LINGO2: variants seen among roughly 807,000 people sequenced by gnomAD.
LINGO2 encodes the protein leucine rich repeat and Ig domain containing 2, also known as leucine-rich repeat and immunoglobulin-like domain-containing nogo receptor-interacting protein 2.
A neutral mutation model predicts 30.6 loss-of-function variants in LINGO2; 14 were observed. That is an observed-to-expected ratio of 0.46 (90% CI 0.30 to 0.72). The LOEUF (loss-of-function observed/expected upper bound fraction) is 0.72. Ranked by LOEUF, LINGO2 falls within the 30% of genes least tolerant of loss-of-function variation. The pLI, the probability that LINGO2 is intolerant of heterozygous loss-of-function variation, is 0.07. For synonymous variants in LINGO2, 317 were observed against 288.5 expected (o/e 1.10, Z -1.00); for missense variants, 729 against 751.7 (o/e 0.97, Z 0.35).
At chr9:28,654,285 T>C (rs1828239993) in intron 1 of LINGO2, among the ~76,000 whole-genome samples, 1 of 152,126 alleles carries the variant, frequency 6.6e-6, no homozygotes, top group Admixed American at 6.6e-5. Flanking sequence ...AAAGCCCTTT[T>C]ATGTACTAAG....
intron 4 of LINGO2, among the ~76,000 whole-genome samples, chr9:28,282,958 G>A (rs1823380803): frequency 6.6e-6 from 1 of 152,150 alleles, no homozygotes; most frequent in African/African-American, 2.4e-5. Flanking sequence ...CCTGTGGCAG[G>A]TAAACCTAAA....
At chr9:28,518,207 A>G (rs1820700272) in intron 1 of LINGO2, among the ~76,000 whole-genome samples, 1 of 152,212 alleles carries the variant, frequency 6.6e-6, no homozygotes, top group Admixed American at 6.5e-5. Flanking sequence ...TAAGAGATGA[A>G]GTGAATTAAT....
At chr9:28,573,165 C>G (rs1823788446) in intron 1 of LINGO2, among the ~76,000 whole-genome samples, 1 of 152,102 alleles carries the variant, frequency 6.6e-6, no homozygotes, top group African/African-American at 2.4e-5. Context: ...TGAAGGCAAT[C>G]TTGAATTTGA....
At chr9:28,448,062 A>G (rs1824498645) in intron 2 of LINGO2, among the ~76,000 whole-genome samples, 2 of 152,088 alleles carry the variant, frequency 1.3e-5, no homozygotes, top group African/African-American at 4.8e-5. Context: ...GGATCATACT[A>G]CCTAGAGCTG....
intron 2 of LINGO2, among the ~76,000 whole-genome samples, chr9:28,403,697 C>A (rs150627073): frequency 6.6e-6 from 1 of 150,906 alleles, no homozygotes; most frequent in Admixed American, 6.6e-5. Flanking sequence ...TTTTCCTGGA[C>A]GCCCAGAATA....
the LINGO2 span, among the ~76,000 whole-genome samples, chr9:29,093,577 T>A: frequency 7.3e-6 from 1 of 136,184 alleles, no homozygotes; most frequent in African/African-American, 2.7e-5. Context: ...TTTCCCCACA[T>A]TATATATAAG....
intron 4 of LINGO2, among the ~76,000 whole-genome samples, chr9:28,284,212 G>T (rs1279078044): frequency 6.6e-6 from 1 of 152,160 alleles, no homozygotes; most frequent in Non-Finnish European, 1.5e-5. Flanking sequence ...GAGAGAAGAT[G>T]AGCAGCTTTC....
At chr9:28,807,439 T>G in the LINGO2 span, among the ~76,000 whole-genome samples, 8 of 152,172 alleles carry the variant, frequency 5.3e-5, no homozygotes, top group African/African-American at 1.9e-4. Context: ...TCATTTTCCC[T>G]TTACTTTCAA....
At chr9:28,691,774 A>T in the LINGO2 span, among the ~76,000 whole-genome samples, 3 of 152,202 alleles carry the variant, frequency 2.0e-5, no homozygotes, top group African/African-American at 7.2e-5. Context: ...AAGCTTGTGT[A>T]CTAATAGGAA....
chr9:28,327,986 C>G (rs1196190920), intron 3 of LINGO2, among the ~76,000 whole-genome samples: 2 of 152,128 alleles, frequency 1.3e-5, no homozygotes, highest in Non-Finnish European at 2.9e-5. Flanking sequence ...CTCTCAGCAG[C>G]CAGGGGCCCA....
chr9:28,467,770 C>A (rs1825372898), intron 2 of LINGO2, among the ~76,000 whole-genome samples: 1 of 151,930 alleles, frequency 6.6e-6, no homozygotes, highest in Non-Finnish European at 1.5e-5. Context: ...AAATAAAAGT[C>A]ACATGAAAAA....
chr9:29,127,743 T>C, the LINGO2 span, among the ~76,000 whole-genome samples: 2 of 152,120 alleles, frequency 1.3e-5, no homozygotes, highest in Non-Finnish European at 2.9e-5. Context: ...ACAACTGCCC[T>C]GCATGGAAAG....
chr9:28,187,152 T>C (rs1819569868), intron 4 of LINGO2, among the ~76,000 whole-genome samples: 1 of 152,114 alleles, frequency 6.6e-6, no homozygotes, highest in Non-Finnish European at 1.5e-5. Context: ...TGTGGGTATA[T>C]TTTAAAGATA....
At chr9:29,025,382 GTATTTGTTTATCAAACAAAATAATACA>G in the LINGO2 span, among the ~76,000 whole-genome samples, 2 of 151,842 alleles carry the variant, frequency 1.3e-5, no homozygotes, top group Non-Finnish European at 2.9e-5. Context: ...TGTTTATAAT[GTATTTGTTTATCAAACAAAATAATACA>G]TACAAAAAGT....
chr9:28,871,543 A>C, the LINGO2 span, among the ~76,000 whole-genome samples: 1 of 151,800 alleles, frequency 6.6e-6, no homozygotes, highest in African/African-American at 2.4e-5. Context: ...AAAATAAGAA[A>C]ATGAACTATA....
the LINGO2 span, among the ~76,000 whole-genome samples, chr9:28,903,290 T>C: frequency 3.3e-5 from 5 of 152,138 alleles, no homozygotes; most frequent in Admixed American, 3.3e-4. Flanking sequence ...AATAAATTTC[T>C]AGACATAAAT....
At chr9:29,093,023 G>A in the LINGO2 span, among the ~76,000 whole-genome samples, 1 of 48,344 alleles carries the variant, frequency 2.1e-5, no homozygotes, top group African/African-American at 7.8e-5. Context: ...ATATGATAAT[G>A]TGTGTGTATA....
Position 28,408,825 on chromosome 9 carries a change from T to C in LINGO2, c.-278-35957A>G, listed in dbSNP as rs1298894586. ...AATAGAAAGATGGCCTCCTGGTCCA[T>C]AGTCTACAGTCCTCCTGGATGACAA... On this transcript the variant is annotated intron_variant, in intron 2 of 5. Coordinates refer to ENST00000379992, the Ensembl canonical transcript of LINGO2. Among the ~76,000 whole-genome samples, 7 of 148,874 alleles carry C rather than the reference T, an allele frequency of 4.7e-5. No homozygotes were observed. In the East Asian group the frequency reaches 1.2e-3, roughly 25 times the overall value.
At chr9:29,093,466 C>G in the LINGO2 span, among the ~76,000 whole-genome samples, 1 of 133,348 alleles carries the variant, frequency 7.5e-6, no homozygotes, top group Non-Finnish European at 1.6e-5. Context: ...AAACACTTTC[C>G]CATATACTAT....
Sources: allele counts gnomAD v4.1 joint callset (sites outside exome capture counted in the v4.1 genomes callset), GRCh38; gene constraint gnomAD v4.1.1; transcripts MANE v1.5; gene names NCBI Gene and HGNC (gene_info 2026-07-23, HGNC 2026-07-21).